METTL15: variants seen among roughly 807,000 people sequenced by gnomAD.
The protein encoded by METTL15 is 12S rRNA N(4)-cytidine methyltransferase METTL15.
Under a neutral mutation model 38.3 loss-of-function variants are expected in METTL15, and 34 were observed. The observed-to-expected ratio is 0.89, with a 90% confidence interval of 0.68 to 1.18. The LOEUF (loss-of-function observed/expected upper bound fraction) is 1.18, where lower values mean the gene tolerates loss of function less well. Ranked by LOEUF, METTL15 falls within the 50% of genes most tolerant of loss-of-function variation. The pLI is 0.00. For missense variants in METTL15, 438 were observed against 498.4 expected (o/e 0.88, Z 1.15); for synonymous variants, 162 against 170.9 (o/e 0.95, Z 0.41).
At chr11:28,259,468 T>A (rs968127447) in intron 4 of METTL15, among the ~76,000 whole-genome samples, 1 of 152,164 alleles carries the variant, frequency 6.6e-6, no homozygotes, top group East Asian at 1.9e-4. Flanking sequence ...GTTGCAGTCC[T>A]TGTGGCACAG....
intron 4 of METTL15, among the ~76,000 whole-genome samples, chr11:28,242,534 C>T (rs1052611394): frequency 6.6e-6 from 1 of 152,058 alleles, no homozygotes; most frequent in Non-Finnish European, 1.5e-5. Context: ...ATGATTGTAT[C>T]CAATTATAAA....
chr11:28,507,797 T>C (rs781549558), intron 6 of METTL15, among the ~76,000 whole-genome samples: 1 of 152,228 alleles, frequency 6.6e-6, no homozygotes, highest in African/African-American at 2.4e-5. Flanking sequence ...CGCAAACTGC[T>C]ACTTCTCAAG....
chr11:28,275,758 G>A (rs752843434), intron 4 of METTL15, among the ~76,000 whole-genome samples: 14 of 151,854 alleles, frequency 9.2e-5, no homozygotes, highest in Non-Finnish European at 1.6e-4. Flanking sequence ...ATGATTAAGT[G>A]AGATTTATGC....
intron 4 of METTL15, among the ~76,000 whole-genome samples, chr11:28,274,295 C>A (rs139517869): frequency 2.0e-5 from 3 of 152,108 alleles, no homozygotes; most frequent in Admixed American, 6.5e-5. Flanking sequence ...GGTATATTTT[C>A]TTTTCCTTAG....
chr11:28,502,155 C>A (rs951639176), intron 6 of METTL15, among the ~76,000 whole-genome samples: 1 of 150,932 alleles, frequency 6.6e-6, no homozygotes, highest in Admixed American at 6.6e-5. Flanking sequence ...AAACCATAGA[C>A]CCCCTTATAT....
chr11:28,303,120 G>A (rs1856967140), intron 6 of METTL15, among the ~76,000 whole-genome samples: 1 of 152,110 alleles, frequency 6.6e-6, no homozygotes. Flanking sequence ...TTATATTTGA[G>A]CTTTTTCGTA....
chr11:28,497,868 A>G (rs2133486877), intron 6 of METTL15, among the ~76,000 whole-genome samples: 1 of 152,242 alleles, frequency 6.6e-6, no homozygotes, highest in African/African-American at 2.4e-5. Flanking sequence ...AGACCAGCCA[A>G]TATGGTGAAA....
intron 6 of METTL15, among the ~76,000 whole-genome samples, chr11:28,525,786 G>A (rs777069137): frequency 3.9e-5 from 6 of 152,262 alleles, no homozygotes; most frequent in Non-Finnish European, 8.8e-5. Flanking sequence ...CCAGTACCGC[G>A]CCGTGCACCC....
chr11:28,185,437 G>A (rs1851458941), intron 3 of METTL15, among the ~76,000 whole-genome samples: 1 of 151,150 alleles, frequency 6.6e-6, no homozygotes, highest in African/African-American at 2.4e-5. Context: ...TTAATATTTG[G>A]ATAGATAATA....
chr11:28,138,616 C>T (rs1272796061), intron 3 of METTL15, among the ~76,000 whole-genome samples: 1 of 152,092 alleles, frequency 6.6e-6, no homozygotes, highest in Non-Finnish European at 1.5e-5. Flanking sequence ...AGAATTTGTT[C>T]ACAGACGGGA....
At chr11:28,220,170 CT>C (rs1425223252) in intron 4 of METTL15, among the ~76,000 whole-genome samples, 5 of 152,078 alleles carry the variant, frequency 3.3e-5, no homozygotes, top group Non-Finnish European at 5.9e-5. Flanking sequence ...GTGTTAAAGT[CT>C]GCCATTATTG....
intron 6 of METTL15, among the ~76,000 whole-genome samples, chr11:28,504,848 G>T (rs899158945): frequency 2.0e-5 from 3 of 152,230 alleles, no homozygotes; most frequent in Non-Finnish European, 4.4e-5. Flanking sequence ...CTGCTGGCAC[G>T]TAACATGCAC....
intron 6 of METTL15, among the ~76,000 whole-genome samples, chr11:28,452,620 T>G (rs1173050507): frequency 1.3e-5 from 2 of 152,194 alleles, no homozygotes; most frequent in Non-Finnish European, 2.9e-5. Flanking sequence ...ATCATCTTTA[T>G]GTAACCCAGG....
chr11:28,470,248 C>A (rs574186144), intron 6 of METTL15, among the ~76,000 whole-genome samples: 1 of 152,234 alleles, frequency 6.6e-6, no homozygotes, highest in South Asian at 2.1e-4. Context: ...ATACTGGGGA[C>A]TGCATATATT....
intron 5 of METTL15, among the ~76,000 whole-genome samples, chr11:28,373,045 G>T (rs1330285347): frequency 2.0e-5 from 3 of 151,982 alleles, no homozygotes; most frequent in Non-Finnish European, 4.4e-5. Context: ...TTGGTTCCAA[G>T]TCTTTGCTAT....
chr11:28,164,800 T>G (rs1489819167), intron 3 of METTL15, among the ~76,000 whole-genome samples: 1 of 152,076 alleles, frequency 6.6e-6, no homozygotes, highest in Non-Finnish European at 1.5e-5. Context: ...TCTCAGAGAC[T>G]TATTCCTCCT....
chr11:28,368,839 C>A (rs1373460876), intron 5 of METTL15, among the ~76,000 whole-genome samples: 1 of 152,094 alleles, frequency 6.6e-6, no homozygotes, highest in Non-Finnish European at 1.5e-5. Context: ...AGGATGAGTT[C>A]ATGTCCTTTG....
chr11:28,462,370 G>T (rs1002839841), intron 6 of METTL15, among the ~76,000 whole-genome samples: 1 of 151,838 alleles, frequency 6.6e-6, no homozygotes, highest in African/African-American at 2.4e-5. Context: ...ACTGGGAGGA[G>T]ACTGGAAGGT....
intron 6 of METTL15, among the ~76,000 whole-genome samples, chr11:28,431,789 TTAAAAAAAAAAAAAAAAAG>T (rs1412700097): frequency 2.5e-3 from 25 of 9,962 alleles, no homozygotes; most frequent in Admixed American, 0.025. Context: ...AAAAATAAAT[TTAAAAAAAAAAAAAAAAAG>T]AAAAAAAAAA....
Sources: allele counts gnomAD v4.1 joint callset (sites outside exome capture counted in the v4.1 genomes callset), GRCh38; gene constraint gnomAD v4.1.1; transcripts MANE v1.5; gene names NCBI Gene and HGNC (gene_info 2026-07-23, HGNC 2026-07-21).